Variants in OLFML2A observed in about 807,000 individuals in gnomAD.
OLFML2A encodes olfactomedin like 2A.
A neutral mutation model predicts 60.9 loss-of-function variants in OLFML2A; 47 were observed. The ratio of observed to expected loss-of-function variants is 0.77; its 90% CI spans 0.61 to 0.98. OLFML2A has a LOEUF of 0.98. OLFML2A is among the 50% of genes least tolerant of loss of function. OLFML2A has a pLI of 0.00. For missense variants in OLFML2A, 922 were observed against 879.8 expected, an observed-to-expected ratio of 1.05 and a Z score of -0.61; for synonymous variants, 372 against 375.0, an observed-to-expected ratio of 0.99 and a Z score of 0.09.
At chr9:124,787,689 G>A (rs1841502737) in intron 2 of OLFML2A, among the ~76,000 whole-genome samples, 2 of 151,816 alleles carry the variant, frequency 1.3e-5, no homozygotes, top group Admixed American at 1.3e-4. Flanking sequence ...CTCCTGAGTG[G>A]CTGGGATTAC....
chr9:124,785,151 A>G (rs1408442352), intron 1 of OLFML2A, among the ~76,000 whole-genome samples: 1 of 149,780 alleles, frequency 6.7e-6, no homozygotes, highest in African/African-American at 2.4e-5. Context: ...ACAGGTTTTC[A>G]CCATGTTGGC....
chr9:124,794,715 G>T (rs2131260844), intron 2 of OLFML2A, among the ~76,000 whole-genome samples: 1 of 152,206 alleles, frequency 6.6e-6, no homozygotes, highest in Non-Finnish European at 1.5e-5. Flanking sequence ...CCCACCTTCT[G>T]GGTTCAAGCA....
chr9:124,781,165 G>A (rs1660353164), intron 1 of OLFML2A, among the ~76,000 whole-genome samples: 1 of 152,210 alleles, frequency 6.6e-6, no homozygotes, highest in African/African-American at 2.4e-5. Context: ...TGTTGTCCAG[G>A]TAGCAGTTAA....
In OLFML2A at chr9:124,787,066, G is replaced by A; in HGVS notation, c.182G>A (p.Cys61Tyr). ...ATGCGGCCCCTGAGCAAGGACGCGTGTAGCCGAGTGCGCAGTGGGCGGGCA... is the reference window on the plus strand; with the variant it reads ...ATGCGGCCCCTGAGCAAGGACGCGTATAGCCGAGTGCGCAGTGGGCGGGCA... ...CIMRPLSKDA[C>Y]SRVRSGRARV... Residue 61 changes from cysteine to tyrosine, a missense_variant, in exon 2 of 8, where the codon TGT (cysteine) becomes TAT (tyrosine). By Grantham distance (194) the Cys-to-Tyr change is radical. Coordinates refer to ENST00000373580, the MANE Select transcript of OLFML2A (RefSeq NM_182487.4). The A allele has an allele frequency of 4.3e-6, 7 of 1,614,104 alleles. No homozygotes were observed. Among genetic ancestry groups the A allele is most frequent in the Non-Finnish European group, 5.9e-6 (7 of 1,180,048 alleles).
At position 124,801,475 on chromosome 9, in the gene OLFML2A, C is replaced by T; in HGVS notation, c.731C>T (p.Ala244Val). 1 of 1,614,070 alleles carries T rather than the reference C, an allele frequency of 6.2e-7. No individual in the cohort carries two copies. Among genetic ancestry groups the T allele is most frequent in the Non-Finnish European group, 8.5e-7 (1 of 1,179,968 alleles). Residue 244 changes from alanine (A) to valine (V), a missense_variant, in exon 5 of 8, where the codon GCA (alanine) becomes GTA (valine). By Grantham distance (64) the Ala-to-Val change is moderately conservative (BLOSUM62 0). Coordinates refer to ENST00000373580, the MANE Select transcript of OLFML2A (RefSeq NM_182487.4). ...SKYGSVQKSF[A>V]DRGLPKPPKE... ...TATGGCAGTGTGCAGAAAAGCTTTG[C>T]AGACAGAGGCCTCCCAAAACCTCCC...
chr9:124,789,277 C>G (rs1016932894), intron 2 of OLFML2A, among the ~76,000 whole-genome samples: 3 of 152,186 alleles, frequency 2.0e-5, no homozygotes, highest in Non-Finnish European at 4.4e-5. Context: ...ACTTCTCCCT[C>G]TATTTTGCCT....
At chr9:124,801,028 C>T in intron 4 of OLFML2A, 1 of 1,551,560 alleles carries the variant, frequency 6.4e-7, no homozygotes, top group Non-Finnish European at 8.7e-7. Context: ...AACCTCTCCC[C>T]TGCCCACGTA....
Position 124,804,077 on chromosome 9 carries a change from G to T in OLFML2A, c.920-17G>T, listed in dbSNP as rs748323455. The T allele has an allele frequency of 4.5e-5, 72 of 1,612,554 alleles. No homozygotes were observed. Among genetic ancestry groups the T allele is most frequent in the Non-Finnish European group, 5.8e-5 (68 of 1,179,156 alleles). On this transcript the variant is annotated splice_polypyrimidine_tract_variant and intron_variant, in intron 5 of 7. Transcript: ENST00000373580. ...AGGTGGTGCTGAGATTTGAGCACAG[G>T]GGTCTTCTCTCTGCAGACAACACCC...
At position 124,809,902 on chromosome 9, in the gene OLFML2A, C is replaced by A. The variant is rs1042874912; in HGVS notation, c.1449C>A (p.Thr483=). The A allele has an allele frequency of 4.3e-6, 7 of 1,614,096 alleles. No individual in the cohort carries two copies. In the African/African-American group the frequency reaches 8.0e-5, roughly 18 times the overall value. ...QGAFYYNRAF[T]KNIIKYDLRQ... ...CCTTCTACTACAACCGCGCCTTCAC[C>A]AAGAACATCATCAAGTACGACCTAC... Residue 483 remains threonine (T), a synonymous_variant, in exon 8 of 8, where the codon ACC becomes ACA. Coordinates refer to ENST00000373580, the MANE Select transcript of OLFML2A (RefSeq NM_182487.4).
rs547291531 is a variant in OLFML2A, at chr9:124,799,390, G to A, written c.568G>A (p.Gly190Ser). The change falls in exon 4 of 8, where the codon GGC becomes AGC. Residue 190 changes from glycine to serine, a missense_variant. Transcript: ENST00000373580. ...HYENHSAIML[G>S]IKKELSRLGL... The stretch of plus-strand genomic sequence containing the variant: ...TGAGAATCACTCTGCCATCATGCTG[G>A]GCATCAAGAAGGAGCTGTCCCGCCT... 1.2e-6 allele frequency: 2 copies of A among 1,613,908 alleles called. No individual in the cohort carries two copies. Among genetic ancestry groups the A allele is most frequent in the South Asian group, 2.2e-5 (2 of 91,078 alleles).
In OLFML2A at chr9:124,780,715, G is replaced by A. The variant is rs79651204; in HGVS notation, c.90+3355G>A. 3.0e-3 allele frequency among the ~76,000 whole-genome samples: 464 copies of A among 152,340 alleles called. 2 individuals carry two copies. The highest frequency in any genetic ancestry group is 0.011 in the African/African-American group (444 of 41,588). ...AACACTCCCTTTGGCTGGGGCATCT[G>A]GGGCAGAGCCTTGAGGAGCATCGTG... On this transcript the variant is annotated intron_variant, in intron 1 of 7. Transcript: ENST00000373580.
chr9:124,808,286 A>G (rs980905604), intron 7 of OLFML2A, among the ~76,000 whole-genome samples: 1 of 152,176 alleles, frequency 6.6e-6, no homozygotes, highest in Non-Finnish European at 1.5e-5. Context: ...TTGAACGCTT[A>G]CCCTGTGCTG....
chr9:124,797,892 A>G (rs1237013607), intron 3 of OLFML2A, among the ~76,000 whole-genome samples: 1 of 152,220 alleles, frequency 6.6e-6, no homozygotes, highest in Non-Finnish European at 1.5e-5. Flanking sequence ...ATTCAGAACC[A>G]GGAGTAGATC....
At chr9:124,787,267 A>G (rs760380152) in intron 2 of OLFML2A, 29 bp downstream of exon 2, 2 of 1,604,384 alleles carry the variant, frequency 1.2e-6, no homozygotes, top group East Asian at 2.2e-5. Flanking sequence ...TGGAGGGAGT[A>G]AGGGCCTATC....
At chr9:124,800,345 A>G (rs1841750059) in intron 4 of OLFML2A, among the ~76,000 whole-genome samples, 4 of 152,216 alleles carry the variant, frequency 2.6e-5, no homozygotes, top group Admixed American at 2.6e-4. Context: ...GGGAGCTGAC[A>G]TTTGTGGAAT....
Position 124,809,925 on chromosome 9 carries a change from T to C in OLFML2A, c.1472T>C (p.Leu491Pro). Reference protein sequence around the residue: ...AFTKNIIKYDLRQRFVASWAL... With the variant: ...AFTKNIIKYDPRQRFVASWAL... ...ACCAAGAACATCATCAAGTACGACC[T>C]ACGGCAGCGCTTCGTGGCCTCCTGG... The change falls in exon 8 of 8, where the codon CTA becomes CCA. Residue 491 changes from leucine to proline, a missense_variant. Coordinates refer to ENST00000373580, the MANE Select transcript of OLFML2A (RefSeq NM_182487.4). The C allele has an allele frequency of 1.2e-6, 2 of 1,614,206 alleles. No homozygotes were observed. The highest frequency in any genetic ancestry group is 1.7e-6 in the Non-Finnish European group (2 of 1,180,024).
chr9:124,777,364 C>G lies in OLFML2A; in HGVS notation c.90+4C>G. The G allele has an allele frequency of 1.6e-6, 2 of 1,272,966 alleles. No individual in the cohort carries two copies. The highest frequency in any genetic ancestry group is 2.0e-6 in the Non-Finnish European group (2 of 1,006,346). 78.9% of individuals were successfully genotyped at this position (1,272,966 alleles called of 1,614,324 possible). A position where few individuals can be genotyped will look rare whatever the true frequency, so the allele number is the denominator to read the frequency against. ...CCCCACGCGCGCCGACAGTAAGGTA[C>G]GCACGCCCCTCGGACCCGCGCGGCT... On this transcript the variant is annotated splice_donor_region_variant and intron_variant, in intron 1 of 7. Coordinates refer to ENST00000373580, the MANE Select transcript of OLFML2A (RefSeq NM_182487.4). This position sits in a 1 kb window ranked among gnomAD's most constrained non-coding sequence, Gnocchi z 6.2.
intron 7 of OLFML2A, 29 bp downstream of exon 7, chr9:124,807,995 G>A (rs773101049): frequency 3.8e-5 from 61 of 1,589,038 alleles, no homozygotes; most frequent in Non-Finnish European, 5.0e-5. Flanking sequence ...TGGAGAGGGG[G>A]CTGGGTATGG....
chr9:124,800,748 C>G, intron 4 of OLFML2A: 1 of 1,000,198 alleles, frequency 1.0e-6, no homozygotes, highest in Non-Finnish European at 1.3e-6. Flanking sequence ...ACTGTACTTG[C>G]CGTATCTGCT....
Sources: gnomAD v4.1 joint callset for allele counts (sites outside exome capture counted in the v4.1 genomes callset) on GRCh38, gnomAD v4.1.1 for gene constraint, Gnocchi (gnomAD v3.1) non-coding constraint, MANE v1.5 for transcripts, NCBI Gene and HGNC (gene_info 2026-07-23, HGNC 2026-07-21) for gene names.